Variants in BRWD3 observed in about 807,000 individuals in gnomAD.
BRWD3 encodes the protein bromodomain and WD repeat-containing protein 3.
A neutral mutation model predicts 149.7 loss-of-function variants in BRWD3; 10 were observed. The observed-to-expected ratio is 0.07, with a 90% CI of 0.04 to 0.11. The LOEUF is 0.11. BRWD3 is among the 10% of genes least tolerant of loss of function. BRWD3 has a pLI of 1.00. For missense variants in BRWD3, 940 were observed against 1,373.2 expected (o/e 0.68, Z 4.99); for synonymous variants, 504 against 456.7 (o/e 1.10, Z -1.32).
intron 4 of BRWD3, among the ~76,000 whole-genome samples, chrX:80,803,992 C>A (rs776575503): frequency 8.9e-6 from 1 of 112,225 alleles, no homozygotes; most frequent in Non-Finnish European, 1.9e-5. Flanking sequence ...TATGCAGATG[C>A]AACTTCTTAT....
intron 6 of BRWD3, among the ~76,000 whole-genome samples, chrX:80,789,672 G>A (rs1419940526): frequency 9.0e-6 from 1 of 110,801 alleles, no homozygotes; most frequent in Admixed American, 9.6e-5. Context: ...CACCCCGCCT[G>A]GCCTCCATGC....
intron 40 of BRWD3, among the ~76,000 whole-genome samples, chrX:80,679,530 C>T (rs1451063291): frequency 8.9e-6 from 1 of 111,740 alleles, no homozygotes; most frequent in Non-Finnish European, 1.9e-5. Flanking sequence ...GTCATCACAT[C>T]AAGATGACGG....
chrX:80,746,695 T>C (rs188059466), intron 6 of BRWD3: 28 of 166,835 alleles, frequency 1.7e-4, no homozygotes, highest in Non-Finnish European at 2.7e-4. Context: ...ATAAATAATA[T>C]AGTACAAAAT....
At chrX:80,713,300 G>T (rs903401227) in intron 20 of BRWD3, among the ~76,000 whole-genome samples, 5 of 112,075 alleles carry the variant, frequency 4.5e-5, no homozygotes, top group African/African-American at 1.6e-4. Context: ...CTGTGTCTGT[G>T]TAGAAAGAAG....
rs2072361369 is a variant in BRWD3, at chrX:80,675,983, T to TC, written c.*625dup. ...CAAATCAATGAAAAGCATATCAAGATCCCCCCACCCCCCAAAAAACTGTAG... is the reference window on the plus strand; with the variant it reads ...CAAATCAATGAAAAGCATATCAAGATCCCCCCCACCCCCCAAAAAACTGTAG... On this transcript the variant is annotated 3_prime_UTR_variant, in exon 41 of 41. Coordinates refer to ENST00000373275, the MANE Select transcript of BRWD3 (RefSeq NM_153252.5). 1 of 110,530 alleles carries TC rather than the reference T, an allele frequency of 9.0e-6. No individual in the cohort carries two copies. Among genetic ancestry groups the TC allele is most frequent in the Non-Finnish European group, 1.9e-5 (1 of 53,334 alleles). 9.1% of individuals were successfully genotyped at this position (110,530 alleles called of 1,213,427 possible).
At chrX:80,700,959 T>C (rs1321805808) in intron 24 of BRWD3, among the ~76,000 whole-genome samples, 1 of 110,481 alleles carries the variant, frequency 9.1e-6, no homozygotes, top group Non-Finnish European at 1.9e-5. Context: ...CTAGAGCCAA[T>C]TCTGTGTGGA....
chrX:80,685,851 G>T (rs2072514518), intron 35 of BRWD3, among the ~76,000 whole-genome samples: 1 of 111,163 alleles, frequency 9.0e-6, no homozygotes, highest in African/African-American at 3.3e-5. Flanking sequence ...AAGCTCATAG[G>T]ACGGTCTGAT....
At chrX:80,774,332 C>T (rs1263211219) in intron 6 of BRWD3, among the ~76,000 whole-genome samples, 2 of 109,448 alleles carry the variant, frequency 1.8e-5, no homozygotes, top group African/African-American at 3.3e-5. Context: ...ACTGGCACAT[C>T]GGCTCACTGC....
chrX:80,742,587 C>T lies in BRWD3; in HGVS notation c.813+1445G>A, dbSNP rs1306583739. 1.7e-4 allele frequency among the ~76,000 whole-genome samples: 19 copies of T among 109,925 alleles called. No homozygotes were observed. In the East Asian group the frequency reaches 2.6e-3, roughly 15 times the overall value. ...TTTTATTTCATTGAGCAGTGGTTTG[C>T]AGTTCTCCTTGAAGAGGTCCTTCAC... On this transcript the variant is annotated intron_variant, in intron 8 of 40. Transcript: ENST00000373275.
chrX:80,697,026 A>G (rs1277317035), intron 25 of BRWD3, among the ~76,000 whole-genome samples, 163 bp from the exon 26 acceptor site: 1 of 111,809 alleles, frequency 8.9e-6, no homozygotes, highest in East Asian at 2.8e-4. Flanking sequence ...AACTCCTAAT[A>G]GCAGGTTGTA....
intron 6 of BRWD3, among the ~76,000 whole-genome samples, chrX:80,763,470 G>A (rs2073824415): frequency 8.9e-6 from 1 of 111,845 alleles, no homozygotes; most frequent in Non-Finnish European, 1.9e-5. Context: ...AGCAACAAAA[G>A]TGGGATAGAA....
intron 15 of BRWD3, among the ~76,000 whole-genome samples, chrX:80,724,097 C>A (rs779054413): frequency 3.6e-5 from 4 of 111,796 alleles, no homozygotes; most frequent in African/African-American, 1.3e-4. Flanking sequence ...CTAGCAAGGA[C>A]ATACCTCATG....
Position 80,725,635 on chromosome X carries a change from T to C in BRWD3, c.1387-568A>G, listed in dbSNP as rs1296567353. On this transcript the variant is annotated intron_variant, in intron 14 of 40. Coordinates refer to ENST00000373275, the MANE Select transcript of BRWD3 (RefSeq NM_153252.5). Reference sequence around the variant, plus strand: ...ACCAATGCTTTATGTTATATGTCTATATAACATATAACATGTTTACATGTG... The same window carrying C: ...ACCAATGCTTTATGTTATATGTCTACATAACATATAACATGTTTACATGTG... 2.7e-5 allele frequency among the ~76,000 whole-genome samples: 3 copies of C among 112,203 alleles called. No individual in the cohort carries two copies. The Admixed American group carries it at 2.8e-4, about 11-fold the overall frequency.
chrX:80,805,296 T>C (rs1297547404), intron 4 of BRWD3, among the ~76,000 whole-genome samples: 1 of 111,612 alleles, frequency 9.0e-6, no homozygotes, highest in African/African-American at 3.3e-5. Flanking sequence ...CAATTTATCA[T>C]TACCTTAATA....
intron 23 of BRWD3, 24 bp downstream of exon 23, chrX:80,704,654 A>G (rs370178724): frequency 4.2e-6 from 5 of 1,196,525 alleles, no homozygotes; most frequent in Non-Finnish European, 5.6e-6. Context: ...TAACAAAAAC[A>G]AAATAACTTA....
intron 8 of BRWD3, 158 bp downstream of exon 8, chrX:80,743,874 C>A (rs1318981185): frequency 1.0e-5 from 4 of 399,754 alleles, no homozygotes; most frequent in Non-Finnish European, 1.3e-5. Context: ...GAAAAAGGAA[C>A]TTAAAAAAAT....
At chrX:80,749,567 TGG>T (rs1300741618) in intron 6 of BRWD3, among the ~76,000 whole-genome samples, 1 of 111,385 alleles carries the variant, frequency 9.0e-6, no homozygotes, top group Non-Finnish European at 1.9e-5. Context: ...TTTCAGTCTA[TGG>T]GTGTCCTTAG....
At chrX:80,695,076 G>A (rs55698138) in intron 27 of BRWD3, among the ~76,000 whole-genome samples, 9,229 of 110,528 alleles carry the variant, frequency 0.083, 377 homozygotes, top group South Asian at 0.19. Context: ...CCCACATGTT[G>A]TTCTTGTGAT....
chrX:80,703,929 T>C (rs1051041338), intron 23 of BRWD3, among the ~76,000 whole-genome samples: 3 of 111,831 alleles, frequency 2.7e-5, no homozygotes, highest in South Asian at 3.7e-4. Context: ...AAGAAAATAA[T>C]TGTCTACTAA....
Sources: gnomAD v4.1 joint callset for allele counts (sites outside exome capture counted in the v4.1 genomes callset) on GRCh38, gnomAD v4.1.1 for gene constraint, MANE v1.5 for transcripts, NCBI Gene and HGNC (gene_info 2026-07-23, HGNC 2026-07-21) for gene names.